RBMS3: variants seen among roughly 807,000 people sequenced by gnomAD.
RBMS3 encodes the protein RNA-binding motif, single-stranded-interacting protein 3.
Under a neutral mutation model 66.8 loss-of-function variants are expected in RBMS3, and 27 were observed. The observed-to-expected ratio is 0.40, with a 90% CI of 0.30 to 0.56. The LOEUF (loss-of-function observed/expected upper bound fraction) is 0.56. Among genes scored for constraint, RBMS3 ranks in the 20% least tolerant of loss-of-function variants. RBMS3 has a pLI of 0.40. For missense variants in RBMS3, 513 were observed against 549.5 expected, an observed-to-expected ratio of 0.93 and a Z score of 0.66; for synonymous variants, 188 against 183.0, an observed-to-expected ratio of 1.03 and a Z score of -0.22.
intron 3 of RBMS3, among the ~76,000 whole-genome samples, chr3:29,580,684 TAA>T (rs2047297518): frequency 2.4e-5 from 2 of 83,906 alleles, no homozygotes; most frequent in African/African-American, 6.6e-5. Flanking sequence ...TTTAATAATA[TAA>T]TAATAATAAT....
intron 7 of RBMS3, among the ~76,000 whole-genome samples, chr3:29,875,642 G>A (rs924840685): frequency 6.6e-6 from 1 of 151,942 alleles, no homozygotes; most frequent in Non-Finnish European, 1.5e-5. Flanking sequence ...ATAAAATATG[G>A]TAACACTGTT....
chr3:29,640,255 T>TACACACACACACACACACAC (rs34719305), intron 4 of RBMS3, among the ~76,000 whole-genome samples: 1 of 140,072 alleles, frequency 7.1e-6, no homozygotes, highest in Non-Finnish European at 1.5e-5. Context: ...ACATTTTGGT[T>TACACACACACACACACACAC]ACACACACAC....
intron 12 of RBMS3, among the ~76,000 whole-genome samples, chr3:29,959,466 A>C (rs1340269123): frequency 6.6e-6 from 1 of 152,138 alleles, no homozygotes; most frequent in Non-Finnish European, 1.5e-5. Flanking sequence ...CTTATTTTTA[A>C]AAAGCCTCCA....
At chr3:29,963,305 A>G (rs1559842945) in intron 12 of RBMS3, among the ~76,000 whole-genome samples, 1 of 152,130 alleles carries the variant, frequency 6.6e-6, no homozygotes, top group Non-Finnish European at 1.5e-5. Context: ...GGCCAATTAA[A>G]TCAGCATATC....
chr3:29,913,551 A>G (rs1473575688), intron 10 of RBMS3, among the ~76,000 whole-genome samples: 1 of 152,032 alleles, frequency 6.6e-6, no homozygotes, highest in African/African-American at 2.4e-5. Context: ...TCCAAGAAAG[A>G]GGATTAGTCC....
chr3:29,579,930 G>T (rs373112023), intron 3 of RBMS3, among the ~76,000 whole-genome samples: 1 of 152,134 alleles, frequency 6.6e-6, no homozygotes, highest in Non-Finnish European at 1.5e-5. Context: ...TACTCATTTT[G>T]ACTTTATTCA....
At position 29,728,221 on chromosome 3, in the gene RBMS3, G is replaced by A. The variant is rs547097882; in HGVS notation, c.400-11499G>A. On this transcript the variant is annotated intron_variant, in intron 4 of 14. Transcript: ENST00000383767. ...GGGGCCTGTTGGGGCAGGGGGGTAA[G>A]GGGAGGGAGAGGATTGGGACAAATA... 3.3e-5 allele frequency among the ~76,000 whole-genome samples: 5 copies of A among 152,162 alleles called. No homozygotes were observed. The South Asian group carries it at 8.3e-4, about 25-fold the overall frequency.
At chr3:29,709,404 CT>C (rs1318144700) in intron 4 of RBMS3, among the ~76,000 whole-genome samples, 3 of 152,190 alleles carry the variant, frequency 2.0e-5, no homozygotes, top group Non-Finnish European at 4.4e-5. Flanking sequence ...ATCTTTTCAC[CT>C]GGGACCAAGT....
intron 1 of RBMS3, among the ~76,000 whole-genome samples, chr3:29,301,291 A>G (rs1156818359): frequency 6.6e-6 from 1 of 151,948 alleles, no homozygotes; most frequent in Non-Finnish European, 1.5e-5. Flanking sequence ...CTAACAAGAG[A>G]GCTTTATTCT....
intron 14 of RBMS3, among the ~76,000 whole-genome samples, chr3:29,992,418 C>G (rs1577340546): frequency 6.6e-6 from 1 of 151,914 alleles, no homozygotes; most frequent in South Asian, 2.1e-4. Context: ...AACCCCGTCT[C>G]TACTAAAAAT....
intron 2 of RBMS3, among the ~76,000 whole-genome samples, chr3:29,452,123 G>A (rs531482398): frequency 6.6e-6 from 1 of 152,212 alleles, no homozygotes; most frequent in Non-Finnish European, 1.5e-5. Flanking sequence ...AGATAACAGG[G>A]ATTTTCCTGT....
intron 3 of RBMS3, among the ~76,000 whole-genome samples, chr3:29,538,136 T>C (rs921151316): frequency 2.0e-5 from 3 of 152,144 alleles, no homozygotes; most frequent in Non-Finnish European, 4.4e-5. Flanking sequence ...GAAAGCACTA[T>C]AGACTTACAT....
chr3:29,617,835 A>T (rs888898193), intron 4 of RBMS3, among the ~76,000 whole-genome samples: 1 of 152,206 alleles, frequency 6.6e-6, no homozygotes, highest in Admixed American at 6.5e-5. Flanking sequence ...ATTATGATTT[A>T]AAAACTGTGC....
chr3:29,923,714 G>A (rs2060855743), intron 10 of RBMS3, among the ~76,000 whole-genome samples: 1 of 151,872 alleles, frequency 6.6e-6, no homozygotes, highest in Non-Finnish European at 1.5e-5. Flanking sequence ...CAGAAAACGT[G>A]TTTTTGCAAT....
chr3:29,701,757 G>A (rs1485087896), intron 4 of RBMS3, among the ~76,000 whole-genome samples: 2 of 152,246 alleles, frequency 1.3e-5, no homozygotes, highest in African/African-American at 2.4e-5. Flanking sequence ...TAGCAGTGCC[G>A]GCCCACTGGC....
intron 4 of RBMS3, among the ~76,000 whole-genome samples, chr3:29,637,622 G>T (rs2049522554): frequency 6.6e-6 from 1 of 151,756 alleles, no homozygotes; most frequent in African/African-American, 2.4e-5. Flanking sequence ...TTATCATCAG[G>T]CAAGTTTAAG....
intron 4 of RBMS3, among the ~76,000 whole-genome samples, chr3:29,669,011 T>C (rs2050882212): frequency 6.6e-6 from 1 of 152,150 alleles, no homozygotes; most frequent in Non-Finnish European, 1.5e-5. Flanking sequence ...TTGATGGAAG[T>C]GTTGGTTTCT....
intron 1 of RBMS3, among the ~76,000 whole-genome samples, chr3:29,324,130 G>C (rs1032373575): frequency 6.6e-6 from 1 of 152,098 alleles, no homozygotes; most frequent in Non-Finnish European, 1.5e-5. Context: ...GAATAACACA[G>C]ATTTTACTGT....
At chr3:29,965,609 C>A (rs1385263437) in intron 12 of RBMS3, among the ~76,000 whole-genome samples, 1 of 151,936 alleles carries the variant, frequency 6.6e-6, no homozygotes, top group East Asian at 1.9e-4. Flanking sequence ...TCTGAGTTAA[C>A]TGTAGATTCT....
Sources: gnomAD v4.1 joint callset for allele counts (sites outside exome capture counted in the v4.1 genomes callset) on GRCh38, gnomAD v4.1.1 for gene constraint, MANE v1.5 for transcripts, NCBI Gene and HGNC (gene_info 2026-07-23, HGNC 2026-07-21) for gene names.